Variants in SCAP observed in about 807,000 individuals in gnomAD.
The protein encoded by SCAP is sterol regulatory element-binding protein cleavage-activating protein.
A neutral mutation model predicts 123.6 loss-of-function variants in SCAP; 65 were observed. That is an observed-to-expected ratio of 0.53 (90% CI 0.43 to 0.65). The LOEUF (loss-of-function observed/expected upper bound fraction) is 0.65, where lower values mean the gene tolerates loss of function less well. SCAP is among the 30% of genes least tolerant of loss of function. The pLI is 0.00. For missense variants in SCAP, 1,398 were observed against 1,712.5 expected (o/e 0.82, Z 3.24); for synonymous variants, 740 against 726.3 (o/e 1.02, Z -0.30).
intron 4 of SCAP, among the ~76,000 whole-genome samples, chr3:47,428,118 T>C (rs1706217048): frequency 6.6e-6 from 1 of 152,126 alleles, no homozygotes; most frequent in African/African-American, 2.4e-5. Context: ...GACCCACTGA[T>C]AGGCAGGGGA....
At chr3:47,418,912 C>G in intron 13 of SCAP, 69 bp from the exon 14 acceptor site, 1 of 1,395,928 alleles carries the variant, frequency 7.2e-7, no homozygotes, top group Non-Finnish European at 9.4e-7. Flanking sequence ...GCTCGCCAGC[C>G]AGTCCTCTCC....
intron 1 of SCAP, among the ~76,000 whole-genome samples, chr3:47,455,940 T>C (rs1223545740): frequency 1.3e-5 from 2 of 152,136 alleles, no homozygotes; most frequent in African/African-American, 4.8e-5. Context: ...CACAGATTAA[T>C]GTAACAGAAC....
intron 1 of SCAP, among the ~76,000 whole-genome samples, chr3:47,465,844 A>C (rs1055509485): frequency 6.6e-6 from 1 of 150,618 alleles, no homozygotes; most frequent in African/African-American, 2.4e-5. Flanking sequence ...AAAAAAACAA[A>C]AAAAAAAAAG....
chr3:47,448,093 G>C (rs560672392), intron 1 of SCAP, among the ~76,000 whole-genome samples: 1 of 150,776 alleles, frequency 6.6e-6, no homozygotes, highest in Non-Finnish European at 1.5e-5. Context: ...CAAAGAACTG[G>C]CATGTTGAGT....
At chr3:47,463,909 C>G (rs1278865080) in intron 1 of SCAP, among the ~76,000 whole-genome samples, 1 of 151,994 alleles carries the variant, frequency 6.6e-6, no homozygotes, top group African/African-American at 2.4e-5. Flanking sequence ...ACAATCGTGG[C>G]TCACTGCGGT....
In SCAP at chr3:47,420,094, G is replaced by A. The variant is rs1397307336; in HGVS notation, c.1564-390C>T. Among the ~76,000 whole-genome samples the A allele has an allele frequency of 6.6e-6, 1 of 152,202 alleles. No individual in the cohort carries two copies. Among genetic ancestry groups the A allele is most frequent in the African/African-American group, 2.4e-5 (1 of 41,442 alleles). ...GTCCCCCAGAGGTCCTAGTCCCAGG[G>A]GGCCTCAGCCTTCCTCCCATCTCAG... On this transcript the variant is annotated intron_variant, in intron 12 of 22. Transcript: ENST00000265565. The surrounding 1 kb of genome is among the most constrained non-coding windows in gnomAD (Gnocchi z 5.0).
intron 10 of SCAP, chr3:47,421,478 GAA>G (rs1491578011): frequency 5.6e-6 from 1 of 177,106 alleles, no homozygotes; most frequent in Non-Finnish European, 1.2e-5. Context: ...CCGGAACAAT[GAA>G]GAGAGAGAGA....
intron 18 of SCAP, among the ~76,000 whole-genome samples, chr3:47,416,884 C>T (rs1705603034): frequency 6.6e-6 from 1 of 151,940 alleles, no homozygotes; most frequent in African/African-American, 2.4e-5. Flanking sequence ...CCTCGGCCTC[C>T]CAAAGTGCTG....
chr3:47,419,638 C>T lies in SCAP; in HGVS notation c.1630G>A (p.Ala544Thr), dbSNP rs766486734. Residue 544 changes from alanine (A) to threonine (T), a missense_variant, in exon 13 of 23, where the codon GCT becomes ACT. Physicochemically the swap from Ala to Thr is moderately conservative, Grantham distance 58. Coordinates refer to ENST00000265565, the MANE Select transcript of SCAP (RefSeq NM_012235.4). This position sits in a 1 kb window ranked among gnomAD's most constrained non-coding sequence, Gnocchi z 5.0. Reference sequence around the variant, plus strand: ...GGGCTCTGTTCCGTCACCTGGGCAGCGAGGTAGTTGCGCAGCCCTGCTGGG... The same window carrying T: ...GGGCTCTGTTCCGTCACCTGGGCAGTGAGGTAGTTGCGCAGCCCTGCTGGG... ...TDPAGLRNYLAAQVTEQSPLG... is the reference protein window; with the variant it reads ...TDPAGLRNYLTAQVTEQSPLG... The T allele has an allele frequency of 1.0e-5, 16 of 1,571,910 alleles. No homozygotes were observed. Among genetic ancestry groups the T allele is most frequent in the Admixed American group, 1.8e-5 (1 of 55,552 alleles).
At chr3:47,471,597 CTGACCTCAGGT>C (rs1392441197) in intron 1 of SCAP, among the ~76,000 whole-genome samples, 1 of 152,058 alleles carries the variant, frequency 6.6e-6, no homozygotes, top group East Asian at 1.9e-4. Flanking sequence ...TCTCGAACTC[CTGACCTCAGGT>C]GATCCACCCT....
chr3:47,419,727 C>A lies in SCAP; in HGVS notation c.1564-23G>T. 6.6e-7 allele frequency: 1 copy of A among 1,511,186 alleles called. No individual in the cohort carries two copies. Among genetic ancestry groups the A allele is most frequent in the South Asian group, 1.3e-5 (1 of 74,506 alleles). 93.6% of individuals were successfully genotyped at this position (1,511,186 alleles called of 1,614,324 possible). A position where few individuals can be genotyped will look rare whatever the true frequency, so the allele number is the denominator to read the frequency against. On this transcript the variant is annotated intron_variant, in intron 12 of 22. Coordinates refer to ENST00000265565, the MANE Select transcript of SCAP (RefSeq NM_012235.4). This position sits in a 1 kb window ranked among gnomAD's most constrained non-coding sequence, Gnocchi z 5.0. ...AGCCTGCAGTGGGGCAGGGGGTACT[C>A]AGTGGGAGGAATGGGCCCCAACCCC...
chr3:47,443,863 A>G (rs956640481), intron 1 of SCAP, among the ~76,000 whole-genome samples: 3 of 152,162 alleles, frequency 2.0e-5, no homozygotes, highest in African/African-American at 2.4e-5. Flanking sequence ...TGCCGACCCA[A>G]GCTACACAAA....
chr3:47,438,929 G>A (rs1706693556), intron 2 of SCAP, among the ~76,000 whole-genome samples: 1 of 151,908 alleles, frequency 6.6e-6, no homozygotes, highest in Non-Finnish European at 1.5e-5. Context: ...GATTCTGCTT[G>A]TGCTTTCTGG....
At chr3:47,417,089 G>C in intron 18 of SCAP, 33 bp downstream of exon 18, 1 of 1,595,714 alleles carries the variant, frequency 6.3e-7, no homozygotes, top group South Asian at 1.1e-5. Context: ...ACAAAGGCTG[G>C]GGACATCTGG....
rs1053504615 is a variant in SCAP, at chr3:47,437,095, G to C, written c.123-1958C>G. ...CTAATGAATAAAGTATAGTGCATTT[G>C]TGTATTCCACTGGTTGAGGAACATT... On this transcript the variant is annotated intron_variant, in intron 2 of 22. Transcript: ENST00000265565. 4.6e-5 allele frequency among the ~76,000 whole-genome samples: 7 copies of C among 152,196 alleles called. No homozygotes were observed. In the South Asian group the frequency reaches 6.2e-4, roughly 13 times the overall value.
At chr3:47,423,185 G>A (rs936853021) in intron 9 of SCAP, among the ~76,000 whole-genome samples, 7 of 152,182 alleles carry the variant, frequency 4.6e-5, no homozygotes, top group East Asian at 1.9e-4. Context: ...ATGGGGTGAC[G>A]AGGAAGAAGA....
chr3:47,416,002 G>A (rs1399109647), intron 18 of SCAP, among the ~76,000 whole-genome samples: 1 of 152,224 alleles, frequency 6.6e-6, no homozygotes, highest in East Asian at 1.9e-4. Flanking sequence ...CCAGGCTGGA[G>A]GGGAGGATGT....
intron 1 of SCAP, among the ~76,000 whole-genome samples, chr3:47,455,094 T>TATATAA (rs1311648875): frequency 3.4e-5 from 3 of 87,380 alleles, no homozygotes; most frequent in Admixed American, 3.1e-4. Context: ...TATATATATA[T>TATATAA]AATCAACTGA....
chr3:47,472,149 T>C (rs1193194387), intron 1 of SCAP, among the ~76,000 whole-genome samples: 2 of 151,646 alleles, frequency 1.3e-5, no homozygotes, highest in Non-Finnish European at 2.9e-5. Context: ...AATAATTAAA[T>C]GGGGCCGGGC....
Sources: gnomAD v4.1 joint callset for allele counts (sites outside exome capture counted in the v4.1 genomes callset) on GRCh38, gnomAD v4.1.1 for gene constraint, Gnocchi (gnomAD v3.1) non-coding constraint, MANE v1.5 for transcripts, NCBI Gene and HGNC (gene_info 2026-07-23, HGNC 2026-07-21) for gene names.